Variants in DNAJB6 observed in about 807,000 individuals in gnomAD.
The protein encoded by DNAJB6 is DnaJ heat shock protein family (Hsp40) member B6.
In DNAJB6, 16 loss-of-function variants were observed where a neutral mutation model predicts 42.7. The ratio of observed to expected loss-of-function variants is 0.37; its 90% CI spans 0.25 to 0.57. The LOEUF (loss-of-function observed/expected upper bound fraction) is 0.57. Among genes scored for constraint, DNAJB6 ranks in the 20% least tolerant of loss-of-function variants. The probability of loss-of-function intolerance (pLI) is 0.74; values close to 1 mark genes in which losing one functional copy is unlikely to be tolerated. For synonymous variants in DNAJB6, 170 were observed against 163.5 expected (o/e 1.04, Z -0.30); for missense variants, 347 against 416.8 (o/e 0.83, Z 1.46).
At position 157,397,260 on chromosome 7, in the gene DNAJB6, G is replaced by A. The variant is rs149966776; in HGVS notation, c.691+11649G>A. Among the ~76,000 whole-genome samples the A allele has an allele frequency of 1.7e-3, 254 of 152,354 alleles. 1 individual carries two copies. Among genetic ancestry groups the A allele is most frequent in the African/African-American group, 5.8e-3 (242 of 41,578 alleles). ...CAACAGCATGTGGCCTCCACCTCACGTAAGCATTTGGTGTCTCCTTGAACC... is the reference window on the plus strand; with the variant it reads ...CAACAGCATGTGGCCTCCACCTCACATAAGCATTTGGTGTCTCCTTGAACC... On this transcript the variant is annotated intron_variant, in intron 8 of 9. Coordinates refer to ENST00000262177, the MANE Select transcript of DNAJB6 (RefSeq NM_058246.4).
intron 5 of DNAJB6, among the ~76,000 whole-genome samples, chr7:157,370,236 A>AGAGG (rs1800129082): frequency 1.3e-5 from 2 of 150,900 alleles, no homozygotes; most frequent in African/African-American, 4.9e-5. Flanking sequence ...TTATTATTAA[A>AGAGG]CAGGCCCTTT....
At chr7:157,381,223 GTATC>G (rs1425223455) in intron 5 of DNAJB6, 32 of 152,178 alleles carry the variant, frequency 2.1e-4, no homozygotes, top group African/African-American at 7.2e-4. Context: ...TGACTCAAAT[GTATC>G]CACTCCCTGC....
rs1012329108 is a variant in DNAJB6, at chr7:157,416,881, A to G, written c.*783A>G. 1.3e-5 allele frequency: 2 copies of G among 152,232 alleles called. No homozygotes were observed. Among genetic ancestry groups the G allele is most frequent in the African/African-American group, 4.8e-5 (2 of 41,446 alleles). The allele number at this position is 152,232 out of a possible 1,614,324, so 9.4% of individuals were successfully genotyped here. A position where few individuals can be genotyped will look rare whatever the true frequency, so the allele number is the denominator to read the frequency against. On this transcript the variant is annotated 3_prime_UTR_variant, in exon 10 of 10. Coordinates refer to ENST00000262177, the MANE Select transcript of DNAJB6 (RefSeq NM_058246.4). Reference sequence around the variant, plus strand: ...GCGCAAAACACCCAGAGACGGCACAAGGAGGTTGAACTCATGTTTCAGTTC... The same window carrying G: ...GCGCAAAACACCCAGAGACGGCACAGGGAGGTTGAACTCATGTTTCAGTTC...
intron 1 of DNAJB6, among the ~76,000 whole-genome samples, chr7:157,346,511 T>C (rs1179006595): frequency 2.0e-5 from 3 of 152,118 alleles, no homozygotes; most frequent in Non-Finnish European, 2.9e-5. Flanking sequence ...TAATACACAG[T>C]TGGATATTTA....
At chr7:157,395,463 C>T (rs1020091432) in intron 8 of DNAJB6, among the ~76,000 whole-genome samples, 5 of 152,148 alleles carry the variant, frequency 3.3e-5, no homozygotes, top group African/African-American at 1.2e-4. Context: ...CTTCTCAGCT[C>T]TGATGAGCTT....
intron 5 of DNAJB6, among the ~76,000 whole-genome samples, chr7:157,367,893 C>T (rs190575091): frequency 7.2e-5 from 11 of 151,890 alleles, no homozygotes; most frequent in African/African-American, 2.7e-4. Flanking sequence ...TATTTTGTCA[C>T]GAAACTTTGT....
intron 8 of DNAJB6, among the ~76,000 whole-genome samples, chr7:157,402,651 AGC>A (rs1298862469): frequency 6.6e-6 from 1 of 152,202 alleles, no homozygotes; most frequent in African/African-American, 2.4e-5. Context: ...CAGGAGAAGT[AGC>A]GATGTGTCTT....
At chr7:157,372,435 G>C (rs549119911) in intron 5 of DNAJB6, among the ~76,000 whole-genome samples, 20 of 152,354 alleles carry the variant, frequency 1.3e-4, no homozygotes, top group Admixed American at 1.1e-3. Flanking sequence ...GAGCCGCTGA[G>C]TGAGGAGGAG....
intron 2 of DNAJB6, among the ~76,000 whole-genome samples, chr7:157,361,063 G>A (rs1341018568): frequency 6.6e-6 from 1 of 151,892 alleles, no homozygotes; most frequent in Non-Finnish European, 1.5e-5. Context: ...AGGTAGTACT[G>A]CACACTAATC....
chr7:157,382,407 A>G, intron 6 of DNAJB6, 30 bp downstream of exon 6: 1 of 1,577,770 alleles, frequency 6.3e-7, no homozygotes, highest in Admixed American at 1.9e-5. Context: ...AATCTCTGTT[A>G]TCTTAACAGC....
chr7:157,351,602 C>T (rs746282730), intron 1 of DNAJB6, among the ~76,000 whole-genome samples: 3 of 151,102 alleles, frequency 2.0e-5, no homozygotes, highest in Non-Finnish European at 4.4e-5. Context: ...CACTGCACTC[C>T]AGCCTGGGTG....
intron 8 of DNAJB6, among the ~76,000 whole-genome samples, chr7:157,400,289 G>A (rs918286137): frequency 6.6e-6 from 1 of 151,864 alleles, no homozygotes; most frequent in Admixed American, 6.6e-5. Flanking sequence ...CCGGGTCCCC[G>A]CGCCTTCGTG....
At chr7:157,391,487 G>A (rs1305784545) in intron 8 of DNAJB6, among the ~76,000 whole-genome samples, 2 of 152,186 alleles carry the variant, frequency 1.3e-5, no homozygotes, top group Non-Finnish European at 1.5e-5. Context: ...GGCCTCCTGC[G>A]GTGGCTGCTG....
chr7:157,393,054 A>G (rs1584935773), intron 8 of DNAJB6, among the ~76,000 whole-genome samples: 1 of 152,016 alleles, frequency 6.6e-6, no homozygotes, highest in African/African-American at 2.4e-5. Flanking sequence ...GCTGACTGCA[A>G]CCCCTGCCTC....
chr7:157,382,038 T>C (rs1354348231), intron 5 of DNAJB6: 9 of 467,194 alleles, frequency 1.9e-5, no homozygotes, highest in South Asian at 6.2e-5. Context: ...TACAATGTAT[T>C]GTAGTTTTAG....
At chr7:157,401,194 G>A (rs1007941529) in intron 8 of DNAJB6, among the ~76,000 whole-genome samples, 1 of 152,022 alleles carries the variant, frequency 6.6e-6, no homozygotes, top group African/African-American at 2.4e-5. Flanking sequence ...CTTCAGTCGT[G>A]TACATGATTT....
chr7:157,341,163 T>C (rs888047735), intron 1 of DNAJB6, among the ~76,000 whole-genome samples: 1 of 152,072 alleles, frequency 6.6e-6, no homozygotes, highest in Non-Finnish European at 1.5e-5. Flanking sequence ...GAATCTCATA[T>C]TGCCCAGGCT....
chr7:157,393,678 C>G (rs577566412), intron 8 of DNAJB6, among the ~76,000 whole-genome samples: 1 of 152,266 alleles, frequency 6.6e-6, no homozygotes, highest in East Asian at 1.9e-4. Flanking sequence ...ATTTTTTAAT[C>G]ATTAAAAATG....
chr7:157,366,115 T>TA (rs1202261945), intron 3 of DNAJB6, among the ~76,000 whole-genome samples: 1 of 151,940 alleles, frequency 6.6e-6, no homozygotes, highest in African/African-American at 2.4e-5. Flanking sequence ...CACGCCTGGC[T>TA]AATTATTGTA....
Sources: allele counts gnomAD v4.1 joint callset (sites outside exome capture counted in the v4.1 genomes callset), GRCh38; gene constraint gnomAD v4.1.1; transcripts MANE v1.5; gene names NCBI Gene and HGNC (gene_info 2026-07-23, HGNC 2026-07-21).